GPR89B: variants seen among roughly 807,000 people sequenced by gnomAD.
GPR89B encodes the protein golgi pH regulator B, also known as G protein-coupled receptor 89B.
Under a neutral mutation model 52.4 loss-of-function variants are expected in GPR89B, and 25 were observed. That is an observed-to-expected ratio of 0.48 (90% CI 0.35 to 0.67). GPR89B has a LOEUF of 0.67. GPR89B is among the 30% of genes least tolerant of loss of function. GPR89B has a pLI of 0.01. For missense variants in GPR89B, 146 were observed against 450.2 expected, an observed-to-expected ratio of 0.32 and a Z score of 6.11; for synonymous variants, 52 against 151.2, an observed-to-expected ratio of 0.34 and a Z score of 4.81.
At chr1:147,999,256 C>T in the GPR89B span, among the ~76,000 whole-genome samples, 3 of 151,766 alleles carry the variant, frequency 2.0e-5, no homozygotes, top group Non-Finnish European at 4.4e-5. Context: ...GGTTCTTAAG[C>T]CAAAAGCTAT....
In GPR89B at chr1:147,970,042, T is replaced by G. The variant is rs1326632636; in HGVS notation, c.909+83T>G. ...GAGATAAGAATGGATTTGACTGATA[T>G]ATTGAACTAAATTCCAAATGTGATT... On this transcript the variant is annotated intron_variant, in intron 10 of 13. Coordinates refer to ENST00000314163, the MANE Select transcript of GPR89B (RefSeq NM_016334.5). The G allele has an allele frequency of 1.0e-3, 775 of 755,080 alleles. 15 individuals carry two copies. Among genetic ancestry groups the G allele is most frequent in the Middle Eastern group, 3.8e-3 (9 of 2,350 alleles). 46.8% of individuals were successfully genotyped at this position (755,080 alleles called of 1,614,324 possible). A position where few individuals can be genotyped will look rare whatever the true frequency, so the allele number is the denominator to read the frequency against.
At position 147,928,495 on chromosome 1, in the gene GPR89B, G is replaced by A. The variant is rs1553246450; in HGVS notation, c.-42G>A. 2 of 1,612,998 alleles carry A rather than the reference G, an allele frequency of 1.2e-6. No individual in the cohort carries two copies. The highest frequency in any genetic ancestry group is 1.7e-5 in the Admixed American group (1 of 60,004). On this transcript the variant is annotated 5_prime_UTR_variant, in exon 1 of 14. Coordinates refer to ENST00000314163, the MANE Select transcript of GPR89B (RefSeq NM_016334.5). ...GTGGCCCCAGCGTGCTGTGGCCTCC[G>A]GGAGTGGGAAGTGGAGGCAGGAGCC...
the GPR89B span, among the ~76,000 whole-genome samples, chr1:148,018,829 G>A: frequency 1.8e-4 from 27 of 151,554 alleles, no homozygotes; most frequent in Admixed American, 1.8e-3. Flanking sequence ...ACCATACCCA[G>A]CTAATTTTGT....
the GPR89B span, among the ~76,000 whole-genome samples, chr1:148,006,971 A>C: frequency 1.3e-5 from 2 of 149,772 alleles, no homozygotes; most frequent in Non-Finnish European, 3.0e-5. Flanking sequence ...CTCGCCTCGC[A>C]CTCTCAAAGC....
the GPR89B span, among the ~76,000 whole-genome samples, chr1:148,013,894 A>G: frequency 6.6e-6 from 1 of 151,978 alleles, no homozygotes; most frequent in Non-Finnish European, 1.5e-5. Flanking sequence ...TATGTGAAGC[A>G]GCTCTGGCTA....
rs1659202265 is a variant in GPR89B at position 147,993,303 on chromosome 1, T to C, written c.*386T>C. 1 of 341,122 alleles carries C rather than the reference T, an allele frequency of 2.9e-6. No individual in the cohort carries two copies. Among genetic ancestry groups the C allele is most frequent in the African/African-American group, 2.1e-5 (1 of 47,222 alleles). 21.1% of individuals were successfully genotyped at this position (341,122 alleles called of 1,614,324 possible). On this transcript the variant is annotated 3_prime_UTR_variant, in exon 14 of 14. Transcript: ENST00000314163. Reference sequence around the variant, plus strand: ...GTTCACATGGAAAAGGTTATAGCTTTGCCTTGAGATTGACTCATTAAAATC... The same window carrying C: ...GTTCACATGGAAAAGGTTATAGCTTCGCCTTGAGATTGACTCATTAAAATC...
intron 10 of GPR89B, among the ~76,000 whole-genome samples, chr1:147,983,595 A>G (rs1293867544): frequency 6.6e-6 from 1 of 152,192 alleles, no homozygotes; most frequent in African/African-American, 2.4e-5. Context: ...ATCACTGGCC[A>G]TCAGAGAAAT....
chr1:148,004,900 C>G, the GPR89B span, among the ~76,000 whole-genome samples: 35 of 124,734 alleles, frequency 2.8e-4, no homozygotes, highest in African/African-American at 1.0e-3. Flanking sequence ...CACACACACA[C>G]ACACACACAC....
At chr1:148,019,491 G>C in the GPR89B span, among the ~76,000 whole-genome samples, 1 of 151,912 alleles carries the variant, frequency 6.6e-6, no homozygotes, top group Non-Finnish European at 1.5e-5. Context: ...TAGTACCTGA[G>C]TGATGGGAAG....
chr1:147,959,096 A>G (rs1486604029), intron 7 of GPR89B, among the ~76,000 whole-genome samples: 1 of 152,236 alleles, frequency 6.6e-6, no homozygotes, highest in Non-Finnish European at 1.5e-5. Flanking sequence ...ACCATCTTTC[A>G]CCTTAACAGT....
intron 12 of GPR89B, among the ~76,000 whole-genome samples, chr1:147,991,475 C>T (rs1659063814): frequency 6.6e-6 from 1 of 152,150 alleles, no homozygotes; most frequent in African/African-American, 2.4e-5. Context: ...GCCAGAACTT[C>T]CAACACTATG....
At chr1:147,988,008 G>A (rs1658791626) in intron 11 of GPR89B, among the ~76,000 whole-genome samples, 1 of 152,070 alleles carries the variant, frequency 6.6e-6, no homozygotes, top group Non-Finnish European at 1.5e-5. Context: ...CAGTAAAACT[G>A]TATCATTAGT....
intron 5 of GPR89B, among the ~76,000 whole-genome samples, chr1:147,946,279 T>A (rs116220776): frequency 0.034 from 5,146 of 152,340 alleles, 134 homozygotes; most frequent in Non-Finnish European, 0.052. Context: ...AACTGCATGT[T>A]ATTTGTCTTT....
At chr1:147,932,066 G>C (rs28484875) in intron 1 of GPR89B, among the ~76,000 whole-genome samples, 1 of 151,524 alleles carries the variant, frequency 6.6e-6, no homozygotes, top group African/African-American at 2.4e-5. Flanking sequence ...CCATTTCATA[G>C]CAATCTTGGT....
intron 3 of GPR89B, among the ~76,000 whole-genome samples, chr1:147,941,441 A>G (rs1285189805): frequency 3.3e-5 from 5 of 151,998 alleles, no homozygotes; most frequent in Non-Finnish European, 5.9e-5. Context: ...AAAAGCTGTC[A>G]ATGTATCTAG....
At chr1:148,021,647 A>G in the GPR89B span, among the ~76,000 whole-genome samples, 1 of 151,746 alleles carries the variant, frequency 6.6e-6, no homozygotes, top group Non-Finnish European at 1.5e-5. Flanking sequence ...AGGAAGGCCC[A>G]GTCTTTGGTG....
At chr1:147,941,397 C>G (rs1219675038) in intron 3 of GPR89B, among the ~76,000 whole-genome samples, 1 of 152,108 alleles carries the variant, frequency 6.6e-6, no homozygotes, top group African/African-American at 2.4e-5. Flanking sequence ...GTTTCTTTCT[C>G]TAAATGTTCT....
downstream of GPR89B, among the ~76,000 whole-genome samples, chr1:147,996,103 G>A (rs1399391924): frequency 2.0e-5 from 3 of 152,058 alleles, no homozygotes; most frequent in Non-Finnish European, 4.4e-5. Context: ...ATAAATAGTG[G>A]TTCAGCGTCA....
chr1:147,935,833 C>T (rs2149035858), intron 1 of GPR89B, among the ~76,000 whole-genome samples: 1 of 152,266 alleles, frequency 6.6e-6, no homozygotes, highest in South Asian at 2.1e-4. Context: ...TTCCTAGGCT[C>T]AGGTGATCTT....
Sources: gnomAD v4.1 joint callset for allele counts (sites outside exome capture counted in the v4.1 genomes callset) on GRCh38, gnomAD v4.1.1 for gene constraint, MANE v1.5 for transcripts, NCBI Gene and HGNC (gene_info 2026-07-23, HGNC 2026-07-21) for gene names.